The following ZNRF3 variants were observed in gnomAD, a reference collection of about 807,000 sequenced individuals.
The protein encoded by ZNRF3 is zinc and ring finger 3, also known as E3 ubiquitin-protein ligase ZNRF3.
In ZNRF3, 23 loss-of-function variants were observed where a neutral mutation model predicts 72.5. The ratio of observed to expected loss-of-function variants is 0.32; its 90% CI spans 0.23 to 0.45. ZNRF3 has a LOEUF of 0.45. Among genes scored for constraint, ZNRF3 ranks in the 20% least tolerant of loss-of-function variants. ZNRF3 has a pLI of 1.00. For missense variants in ZNRF3, 1,169 were observed against 1,272.1 expected (o/e 0.92, Z 1.23); for synonymous variants, 610 against 545.3 (o/e 1.12, Z -1.65).
intron 1 of ZNRF3, among the ~76,000 whole-genome samples, chr22:28,923,533 A>T (rs1290844550): frequency 1.3e-5 from 2 of 152,056 alleles, no homozygotes; most frequent in African/African-American, 2.4e-5. Context: ...ATTATAGGAA[A>T]TGTTACATGT....
chr22:28,910,327 C>G (rs1305077561), intron 1 of ZNRF3, among the ~76,000 whole-genome samples: 1 of 152,236 alleles, frequency 6.6e-6, no homozygotes, highest in Admixed American at 6.5e-5. Context: ...AGGCATGAGC[C>G]ACCATGCCCA....
intron 2 of ZNRF3, among the ~76,000 whole-genome samples, chr22:29,001,245 A>G (rs769238933): frequency 4.0e-5 from 6 of 149,386 alleles, no homozygotes; most frequent in East Asian, 2.0e-4. Flanking sequence ...ATTTTTTTGT[A>G]TTTTTAGTAG....
At chr22:28,941,051 G>C (rs1313839463) in intron 1 of ZNRF3, among the ~76,000 whole-genome samples, 3 of 151,992 alleles carry the variant, frequency 2.0e-5, no homozygotes, top group Non-Finnish European at 4.4e-5. Flanking sequence ...CTTTCTTCAT[G>C]TAAATAAGTA....
At chr22:28,900,918 C>T (rs138102500) in intron 1 of ZNRF3, among the ~76,000 whole-genome samples, 16 of 151,958 alleles carry the variant, frequency 1.1e-4, no homozygotes, top group Middle Eastern at 3.4e-3. Flanking sequence ...CCAGCTTGGG[C>T]GACATAGCGA....
intron 1 of ZNRF3, among the ~76,000 whole-genome samples, chr22:28,982,651 T>G (rs954284475): frequency 6.6e-6 from 1 of 151,812 alleles, no homozygotes; most frequent in Non-Finnish European, 1.5e-5. Flanking sequence ...AAAATGCAAA[T>G]GAAATGGTAT....
chr22:29,057,281 C>T lies in ZNRF3; in HGVS notation c.*3659C>T, dbSNP rs955920328. 6.6e-6 allele frequency: 1 copy of T among 152,114 alleles called. No individual in the cohort carries two copies. The highest frequency in any genetic ancestry group is 2.4e-5 in the African/African-American group (1 of 41,398). 9.4% of individuals were successfully genotyped at this position (152,114 alleles called of 1,614,324 possible). A position where few individuals can be genotyped will look rare whatever the true frequency, so the allele number is the denominator to read the frequency against. On this transcript the variant is annotated 3_prime_UTR_variant, in exon 9 of 9. Coordinates refer to ENST00000544604, the MANE Select transcript of ZNRF3 (RefSeq NM_001206998.2). ...TATTTACTAATATATTTATCTTAAG[C>T]CATGTCTTATGTTGAGAGTGTGACA...
At chr22:28,976,074 A>G (rs925058216) in intron 1 of ZNRF3, among the ~76,000 whole-genome samples, 12 of 152,194 alleles carry the variant, frequency 7.9e-5, no homozygotes, top group African/African-American at 2.9e-4. Context: ...GAGAAGTTCA[A>G]AAAATACATT....
intron 2 of ZNRF3, among the ~76,000 whole-genome samples, chr22:29,015,931 G>A (rs779058896): frequency 6.7e-6 from 1 of 148,490 alleles, no homozygotes; most frequent in Non-Finnish European, 1.5e-5. Flanking sequence ...AAGGAGAATC[G>A]CTTGAACCCA....
intron 3 of ZNRF3, 126 bp from the exon 4 acceptor site, chr22:29,043,173 G>A (rs1185275009): frequency 2.7e-6 from 3 of 1,105,944 alleles, no homozygotes; most frequent in East Asian, 2.7e-5. Flanking sequence ...CTCCAAGGCT[G>A]TAATGTTGGA....
At chr22:29,037,634 G>T (rs2036890001) in intron 2 of ZNRF3, among the ~76,000 whole-genome samples, 1 of 152,210 alleles carries the variant, frequency 6.6e-6, no homozygotes, top group African/African-American at 2.4e-5. Context: ...AAGGGCGCAA[G>T]TGTTTGCTCT....
chr22:28,974,119 G>A (rs546646047), intron 1 of ZNRF3, among the ~76,000 whole-genome samples: 38 of 152,032 alleles, frequency 2.5e-4, no homozygotes, highest in African/African-American at 8.9e-4. Context: ...CATCATGCCC[G>A]GCTAATTTTG....
At chr22:28,989,702 G>A (rs1047995585) in intron 2 of ZNRF3, among the ~76,000 whole-genome samples, 2 of 152,164 alleles carry the variant, frequency 1.3e-5, no homozygotes, top group African/African-American at 2.4e-5. Flanking sequence ...GACTCTGTCC[G>A]CTGCAGGCGG....
At chr22:28,975,544 C>G (rs1367348825) in intron 1 of ZNRF3, among the ~76,000 whole-genome samples, 1 of 150,744 alleles carries the variant, frequency 6.6e-6, no homozygotes, top group African/African-American at 2.4e-5. Flanking sequence ...CAAGACCAGC[C>G]TGGCCAACAT....
intron 1 of ZNRF3, among the ~76,000 whole-genome samples, chr22:28,899,007 C>A (rs2034056078): frequency 7.0e-6 from 1 of 142,282 alleles, no homozygotes; most frequent in Non-Finnish European, 1.5e-5. Flanking sequence ...CAGGAATATT[C>A]CAGAATCTAT....
intron 2 of ZNRF3, among the ~76,000 whole-genome samples, chr22:28,998,278 G>A (rs898637808): frequency 6.6e-6 from 1 of 151,726 alleles, no homozygotes; most frequent in South Asian, 2.1e-4. Flanking sequence ...CAGCCTGGGC[G>A]ACAGAGCGAG....
At chr22:28,906,055 T>A (rs1178560018) in intron 1 of ZNRF3, among the ~76,000 whole-genome samples, 4 of 152,244 alleles carry the variant, frequency 2.6e-5, no homozygotes, top group Admixed American at 1.3e-4. Flanking sequence ...CTAAGCATGG[T>A]GGCTCACGCC....
intron 1 of ZNRF3, among the ~76,000 whole-genome samples, chr22:28,945,159 A>C (rs1424769173): frequency 6.6e-6 from 1 of 151,700 alleles, no homozygotes; most frequent in East Asian, 1.9e-4. Context: ...CAAAAAAAAA[A>C]AAAAAGTCAA....
At chr22:28,990,603 G>C (rs1209498412) in intron 2 of ZNRF3, among the ~76,000 whole-genome samples, 1 of 152,128 alleles carries the variant, frequency 6.6e-6, no homozygotes, top group East Asian at 1.9e-4. Flanking sequence ...AGAATTGCTG[G>C]AGGTGGAGGT....
intron 8 of ZNRF3, among the ~76,000 whole-genome samples, chr22:29,052,659 C>T (rs1179976482): frequency 6.7e-6 from 1 of 149,078 alleles, no homozygotes; most frequent in Admixed American, 6.7e-5. Context: ...CCCCATCGTA[C>T]TCCAGCCTGG....
Sources: gnomAD v4.1 joint callset for allele counts (sites outside exome capture counted in the v4.1 genomes callset) on GRCh38, gnomAD v4.1.1 for gene constraint, MANE v1.5 for transcripts, NCBI Gene and HGNC (gene_info 2026-07-23, HGNC 2026-07-21) for gene names.